TOX: variants seen among roughly 807,000 people sequenced by gnomAD.
TOX encodes the protein thymocyte selection-associated high mobility group box protein TOX.
A neutral mutation model predicts 53.7 loss-of-function variants in TOX; 11 were observed. That is an observed-to-expected ratio of 0.20 (90% CI 0.13 to 0.34). The LOEUF (loss-of-function observed/expected upper bound fraction) is 0.34. TOX is among the 10% of genes least tolerant of loss of function. The pLI is 1.00. For missense variants in TOX, 570 were observed against 664.6 expected (o/e 0.86, Z 1.56); for synonymous variants, 225 against 245.3 (o/e 0.92, Z 0.77).
intron 4 of TOX, among the ~76,000 whole-genome samples, chr8:58,838,561 T>C (rs1455431262): frequency 6.6e-6 from 1 of 152,124 alleles, no homozygotes; most frequent in Non-Finnish European, 1.5e-5. Context: ...TTTTATATTA[T>C]TACACTATTA....
At chr8:58,862,556 C>T (rs1811028982) in intron 3 of TOX, among the ~76,000 whole-genome samples, 1 of 152,002 alleles carries the variant, frequency 6.6e-6, no homozygotes, top group South Asian at 2.1e-4. Context: ...GGGTTAAAAA[C>T]CTATTAAATG....
chr8:58,820,164 T>A (rs558596108), intron 6 of TOX, among the ~76,000 whole-genome samples: 7 of 152,114 alleles, frequency 4.6e-5, no homozygotes, highest in Non-Finnish European at 8.8e-5. Context: ...AAAGAAACTG[T>A]TTTTTTCAAA....
chr8:58,931,534 C>T (rs1410147923), intron 3 of TOX, among the ~76,000 whole-genome samples: 1 of 152,098 alleles, frequency 6.6e-6, no homozygotes, highest in Non-Finnish European at 1.5e-5. Flanking sequence ...ATTTGGTAAG[C>T]AAGAGATTTT....
chr8:59,108,432 T>G (rs780784416), intron 1 of TOX, among the ~76,000 whole-genome samples: 14 of 152,192 alleles, frequency 9.2e-5, no homozygotes, highest in Non-Finnish European at 1.8e-4. Flanking sequence ...ACAATGGCAC[T>G]GGAGCCACGG....
At chr8:59,069,469 A>G (rs1213875392) in intron 1 of TOX, among the ~76,000 whole-genome samples, 1 of 152,222 alleles carries the variant, frequency 6.6e-6, no homozygotes, top group Non-Finnish European at 1.5e-5. Flanking sequence ...TTTTGAAATG[A>G]AAGAAATCTC....
intron 1 of TOX, among the ~76,000 whole-genome samples, chr8:59,033,445 A>AGTG: frequency 6.6e-6 from 1 of 152,338 alleles, no homozygotes; most frequent in African/African-American, 2.4e-5. Context: ...TGAGGAGATG[A>AGTG]GTGGTGGTGG....
intron 3 of TOX, among the ~76,000 whole-genome samples, chr8:58,891,203 G>T (rs995837353): frequency 6.6e-6 from 1 of 151,934 alleles, no homozygotes; most frequent in African/African-American, 2.4e-5. Flanking sequence ...GAAAATAAAA[G>T]ACCTAAACAC....
intron 3 of TOX, among the ~76,000 whole-genome samples, chr8:58,895,015 G>GT (rs1563381975): frequency 6.6e-6 from 1 of 151,858 alleles, no homozygotes; most frequent in Non-Finnish European, 1.5e-5. Context: ...TGGGGAAACC[G>GT]TGTCTCTACT....
intron 2 of TOX, among the ~76,000 whole-genome samples, chr8:58,951,415 C>T (rs760283729): frequency 1.3e-5 from 2 of 152,058 alleles, no homozygotes; most frequent in African/African-American, 2.4e-5. Flanking sequence ...GAAGAAGCTT[C>T]CTACTACTGA....
chr8:58,893,310 T>G (rs1811589374), intron 3 of TOX, among the ~76,000 whole-genome samples: 4 of 152,162 alleles, frequency 2.6e-5, no homozygotes, highest in Admixed American at 2.6e-4. Flanking sequence ...GAAGATAATA[T>G]TTCTTTCTTT....
intron 3 of TOX, among the ~76,000 whole-genome samples, chr8:58,937,486 G>A (rs1285121797): frequency 1.3e-5 from 2 of 152,184 alleles, no homozygotes; most frequent in African/African-American, 4.8e-5. Flanking sequence ...AGTCCCAAAT[G>A]TGCCATTTGA....
chr8:58,982,514 A>G (rs1214030392), intron 1 of TOX, among the ~76,000 whole-genome samples: 1 of 152,198 alleles, frequency 6.6e-6, no homozygotes, highest in Non-Finnish European at 1.5e-5. Context: ...CTCTATCTTT[A>G]CTGATGGCAT....
rs1489435966 is a variant in TOX, at chr8:59,113,123, C to T, written c.102+5763G>A. Among the ~76,000 whole-genome samples the T allele has an allele frequency of 2.0e-5, 3 of 152,192 alleles. No individual in the cohort carries two copies. In the East Asian group the frequency reaches 5.8e-4, roughly 29 times the overall value. On this transcript the variant is annotated intron_variant, in intron 1 of 8. Transcript: ENST00000361421. ...ATTCTGATGAGAATACATCCACATG[C>T]TAACCCCTGTTACTTACCTCAAGTG... is the stretch of plus-strand genomic sequence containing the variant.
chr8:59,011,113 T>C (rs1392021786), intron 1 of TOX, among the ~76,000 whole-genome samples: 1 of 152,230 alleles, frequency 6.6e-6, no homozygotes, highest in Non-Finnish European at 1.5e-5. Context: ...ATTTGGCTCA[T>C]GGAACATGTC....
intron 1 of TOX, among the ~76,000 whole-genome samples, chr8:59,074,979 G>A (rs1416513722): frequency 2.6e-5 from 4 of 152,172 alleles, no homozygotes; most frequent in African/African-American, 9.6e-5. Flanking sequence ...CTGAAGGCAG[G>A]GACTGCAGAC....
At chr8:58,833,858 T>G (rs893407386) in intron 5 of TOX, among the ~76,000 whole-genome samples, 2 of 152,200 alleles carry the variant, frequency 1.3e-5, no homozygotes, top group African/African-American at 4.8e-5. Context: ...TTCAGTGGCT[T>G]TGGTAGGAAT....
chr8:59,012,302 A>T (rs1409492004), intron 1 of TOX, among the ~76,000 whole-genome samples: 1 of 152,166 alleles, frequency 6.6e-6, no homozygotes, highest in African/African-American at 2.4e-5. Flanking sequence ...GGAGGAACTC[A>T]ATAAATGGAC....
intron 2 of TOX, among the ~76,000 whole-genome samples, chr8:58,953,738 A>C (rs1812663974): frequency 6.6e-6 from 1 of 152,232 alleles, no homozygotes; most frequent in Non-Finnish European, 1.5e-5. Context: ...TCAAAAAGTC[A>C]AGTTAATGTT....
intron 1 of TOX, among the ~76,000 whole-genome samples, chr8:59,037,421 C>T (rs1028648856): frequency 7.2e-5 from 11 of 152,124 alleles, no homozygotes; most frequent in African/African-American, 2.4e-4. Context: ...CTCCTGTGAA[C>T]TGTTAGGGCT....
Sources: gnomAD v4.1 joint callset for allele counts (sites outside exome capture counted in the v4.1 genomes callset) on GRCh38, gnomAD v4.1.1 for gene constraint, MANE v1.5 for transcripts, NCBI Gene and HGNC (gene_info 2026-07-23, HGNC 2026-07-21) for gene names.